The following GAK variants were observed in gnomAD, a reference collection of about 807,000 sequenced individuals.
GAK encodes the protein cyclin G associated kinase.
In GAK, 79 loss-of-function variants were observed where a neutral mutation model predicts 143.9. That is an observed-to-expected ratio of 0.55 (90% CI 0.46 to 0.66). GAK has a LOEUF of 0.66. GAK is among the 30% of genes least tolerant of loss of function. GAK has a pLI of 0.00. For missense variants in GAK, 1,693 were observed against 1,779.7 expected (o/e 0.95, Z 0.88); for synonymous variants, 881 against 765.5 (o/e 1.15, Z -2.49).
chr4:901,045 C>G (rs1382352452), intron 5 of GAK, among the ~76,000 whole-genome samples: 1 of 152,226 alleles, frequency 6.6e-6, no homozygotes, highest in Non-Finnish European at 1.5e-5. Flanking sequence ...AAAAAGGCCA[C>G]ACTTACCCAT....
chr4:908,359 G>A (rs1328873146), intron 4 of GAK, among the ~76,000 whole-genome samples: 1 of 152,188 alleles, frequency 6.6e-6, no homozygotes, highest in African/African-American at 2.4e-5. Context: ...ATGGAACGAA[G>A]CGACCGCACC....
chr4:917,397 G>A (rs750042645), intron 1 of GAK, among the ~76,000 whole-genome samples: 57 of 144,622 alleles, frequency 3.9e-4, no homozygotes, highest in Non-Finnish European at 7.7e-4. Flanking sequence ...AACACAAATG[G>A]ATCTATAGTA....
intron 24 of GAK, 54 bp from the exon 25 acceptor site, chr4:852,028 ACT>A: frequency 7.1e-7 from 1 of 1,415,072 alleles, no homozygotes; most frequent in African/African-American, 1.4e-5. Context: ...AGGGGCAACT[ACT>A]GTTTCTATAA....
intron 15 of GAK, 88 bp from the exon 16 acceptor site, chr4:877,897 T>A (rs1714302026): frequency 2.5e-6 from 3 of 1,190,194 alleles, no homozygotes; most frequent in Non-Finnish European, 3.5e-6. Context: ...AAGTTTTTCA[T>A]GCTAGAAATT....
chr4:913,460 G>C, intron 2 of GAK, 147 bp downstream of exon 2: 1 of 665,820 alleles, frequency 1.5e-6, no homozygotes, highest in Non-Finnish European at 2.7e-6. Context: ...AGGCTGCTGA[G>C]ATTCAGCAGA....
intron 24 of GAK, chr4:853,056 C>G (rs1249398200): frequency 6.6e-6 from 1 of 151,886 alleles, no homozygotes; most frequent in Non-Finnish European, 1.5e-5. Context: ...GTCTCAAACT[C>G]CTAGGCTTAA....
chr4:864,991 C>A (rs942287599), intron 23 of GAK, 131 bp downstream of exon 23: 2 of 1,282,010 alleles, frequency 1.6e-6, no homozygotes, highest in African/African-American at 1.5e-5. Context: ...GAGCCCGCAC[C>A]ACCAAGCACG....
At chr4:877,838 T>A in intron 15 of GAK, 29 bp from the exon 16 acceptor site, 1 of 1,539,344 alleles carries the variant, frequency 6.5e-7, no homozygotes, top group Non-Finnish European at 8.8e-7. Context: ...CGTCACCACG[T>A]GACGTGCCCT....
intron 1 of GAK, among the ~76,000 whole-genome samples, chr4:931,709 T>C (rs1238696364): frequency 6.7e-6 from 1 of 149,218 alleles, no homozygotes; most frequent in Non-Finnish European, 1.5e-5. Context: ...CACCGTAACA[T>C]CTTCCCCCAC....
intron 1 of GAK, among the ~76,000 whole-genome samples, chr4:920,538 C>CTTTTTTT (rs1560440258): frequency 6.8e-5 from 5 of 73,812 alleles, no homozygotes; most frequent in South Asian, 1.8e-3. Context: ...GGTTTAGAGC[C>CTTTTTTT]ATTTTTTTTT....
intron 4 of GAK, among the ~76,000 whole-genome samples, chr4:908,480 CA>C (rs1721476457): frequency 2.0e-5 from 3 of 152,002 alleles, no homozygotes; most frequent in Admixed American, 6.6e-5. Context: ...CTGGGCAACA[CA>C]GCAAGACACC....
intron 24 of GAK, among the ~76,000 whole-genome samples, chr4:857,533 G>C (rs1231204178): frequency 6.6e-6 from 1 of 152,172 alleles, no homozygotes; most frequent in African/African-American, 2.4e-5. Flanking sequence ...GGTAAGTTGT[G>C]GCAGGAACTG....
chr4:918,222 T>C (rs1211868920), intron 1 of GAK, among the ~76,000 whole-genome samples: 3 of 152,176 alleles, frequency 2.0e-5, no homozygotes, highest in Non-Finnish European at 4.4e-5. Context: ...ATTAGCAGAA[T>C]AGGGAACACT....
Position 849,538 on chromosome 4 carries a change from G to A in GAK, c.*135C>T, listed in dbSNP as rs368661364. 572 of 636,756 alleles carry A rather than the reference G, an allele frequency of 9.0e-4. 2 individuals are homozygous for A. The highest frequency in any genetic ancestry group is 6.5e-3 in the East Asian group (234 of 36,218). The allele number at this position is 636,756 out of a possible 1,614,324, so 39.4% of individuals were successfully genotyped here. ...TCTTCATGTGCCTGGAACGCTGGGCGGGCGGTGACCCGGGGCTCGGAGCCC... is the reference window on the plus strand; with the variant it reads ...TCTTCATGTGCCTGGAACGCTGGGCAGGCGGTGACCCGGGGCTCGGAGCCC... On this transcript the variant is annotated 3_prime_UTR_variant, in exon 28 of 28. Transcript: ENST00000314167.
At chr4:882,282 C>T (rs761590046) in intron 14 of GAK, among the ~76,000 whole-genome samples, 4 of 152,230 alleles carry the variant, frequency 2.6e-5, no homozygotes, top group Non-Finnish European at 5.9e-5. Flanking sequence ...TCTGCTGGTG[C>T]CCCGTACCCC....
At chr4:922,371 G>C (rs905294861) in intron 1 of GAK, among the ~76,000 whole-genome samples, 4 of 151,866 alleles carry the variant, frequency 2.6e-5, no homozygotes, top group Non-Finnish European at 5.9e-5. Context: ...AAAAATCAGC[G>C]GCGCATGGTG....
At chr4:872,598 G>T in intron 18 of GAK, 1 of 152,616 alleles carries the variant, frequency 6.6e-6, no homozygotes, top group Non-Finnish European at 1.5e-5. Context: ...GGAGTGTGCA[G>T]GGAGCCAGGT....
In GAK at chr4:932,020, G is replaced by A. The variant is rs376338999; in HGVS notation, c.145+23C>T. On this transcript the variant is annotated intron_variant, in intron 1 of 27. Coordinates refer to ENST00000314167, the MANE Select transcript of GAK (RefSeq NM_005255.4). This position sits in a 1 kb window ranked among gnomAD's most constrained non-coding sequence, Gnocchi z 4.0. ...GAGACAACACTCCGCGGCCGCACCC[G>A]CGCTGCCGACCCGGGGCCTCACCTT... 2 of 1,532,968 alleles carry A rather than the reference G, an allele frequency of 1.3e-6. No homozygotes were observed. The highest frequency in any genetic ancestry group is 1.8e-6 in the Non-Finnish European group (2 of 1,125,074). The allele number at this position is 1,532,968 out of a possible 1,614,324, so 95.0% of individuals were successfully genotyped here. A position where few individuals can be genotyped will look rare whatever the true frequency, so the allele number is the denominator to read the frequency against.
Position 859,686 on chromosome 4 carries a change from C to T in GAK, c.3203G>A (p.Cys1068Tyr), listed in dbSNP as rs756511255. 1.6e-5 allele frequency: 26 copies of T among 1,600,498 alleles called. No homozygotes were observed. The highest frequency in any genetic ancestry group is 2.0e-5 in the Non-Finnish European group (23 of 1,168,878). Residue 1068 changes from cysteine to tyrosine, a missense_variant, in exon 24 of 28, where the codon TGT (cysteine) becomes TAT (tyrosine). This residue lies in a region of GAK where 822 missense variants were observed against 788.7 expected (regional missense o/e 1.04). Transcript: ENST00000314167. ...CTTGGTCCAGCTGGCCTGAGAGCCA[C>T]AAGGGGCCGGCTGACCTCCAGGAGA... ...LFSPGGQPAP[C>Y]GSQASWTKSQ...
Sources: gnomAD v4.1 joint callset for allele counts (sites outside exome capture counted in the v4.1 genomes callset) on GRCh38, gnomAD v4.1.1 for gene constraint, gnomAD v4.1.1 regional missense constraint, Gnocchi (gnomAD v3.1) non-coding constraint, MANE v1.5 for transcripts, NCBI Gene and HGNC (gene_info 2026-07-23, HGNC 2026-07-21) for gene names.